KMT2C: variants seen among roughly 807,000 people sequenced by gnomAD.
KMT2C encodes lysine methyltransferase 2C.
A neutral mutation model predicts 507.9 loss-of-function variants in KMT2C; 88 were observed. The observed-to-expected ratio is 0.17, with a 90% CI of 0.15 to 0.21. The LOEUF is 0.21. Among genes scored for constraint, KMT2C ranks in the 10% least tolerant of loss-of-function variants. KMT2C has a pLI of 1.00. For synonymous variants in KMT2C, 2,049 were observed against 2,080.8 expected, an observed-to-expected ratio of 0.98 and a Z score of 0.42; for missense variants, 4,954 against 5,957.8, an observed-to-expected ratio of 0.83 and a Z score of 5.55.
intron 14 of KMT2C, among the ~76,000 whole-genome samples, chr7:152,244,821 T>C (rs1238785715): frequency 6.6e-6 from 1 of 152,208 alleles, no homozygotes; most frequent in Non-Finnish European, 1.5e-5. Flanking sequence ...AATCATACAT[T>C]TGAGATATAT....
chr7:152,309,305 AC>A (rs2096648480), intron 6 of KMT2C, among the ~76,000 whole-genome samples: 1 of 149,792 alleles, frequency 6.7e-6, no homozygotes, highest in East Asian at 1.9e-4. Context: ...AATGGCTTAC[AC>A]AAATTAATTT....
chr7:152,219,428 C>CA (rs2094695159), intron 23 of KMT2C, among the ~76,000 whole-genome samples: 1 of 151,980 alleles, frequency 6.6e-6, no homozygotes, highest in Non-Finnish European at 1.5e-5. Flanking sequence ...CAACATCTGA[C>CA]ATACAGTAGA....
At position 152,146,637 on chromosome 7, in the gene KMT2C, CA is replaced by C; in HGVS notation, c.13992del (p.Phe4664LeufsTer3). On this transcript the variant is annotated frameshift_variant, in exon 53 of 59. Coordinates refer to ENST00000262189, the MANE Select transcript of KMT2C (RefSeq NM_170606.3). LOFTEE classifies it high-confidence loss of function. ...FPAYLKGEDLFGLTVSAVARI... is the reference protein window; with the variant it reads ...FPAYLKGEDLXGLTVSAVARI... The stretch of plus-strand genomic sequence containing the variant: ...CGTGCCACTGCAGAGACGGTCAGGC[CA>C]AACAGATCCTCTCCTTTTAAATACG... The C allele has an allele frequency of 6.2e-7, 1 of 1,614,142 alleles. No individual in the cohort carries two copies. Among genetic ancestry groups the C allele is most frequent in the Non-Finnish European group, 8.5e-7 (1 of 1,180,004 alleles).
rs1017024625 is a variant in KMT2C, at chr7:152,417,806, T to C, written c.161+17820A>G. On this transcript the variant is annotated intron_variant, in intron 1 of 58. Transcript: ENST00000262189. The stretch of plus-strand genomic sequence containing the variant: ...AGAGGCGCCTGCCACCACACCCAGC[T>C]AATTTTTTGTATCTTTTAGTAGAGA... Among the ~76,000 whole-genome samples the C allele has an allele frequency of 7.2e-5, 11 of 151,944 alleles. No homozygotes were observed. The South Asian group carries it at 1.0e-3, about 14-fold the overall frequency.
At chr7:152,343,631 G>C (rs117902311) in intron 2 of KMT2C, among the ~76,000 whole-genome samples, 1 of 151,924 alleles carries the variant, frequency 6.6e-6, no homozygotes, top group Non-Finnish European at 1.5e-5. Flanking sequence ...ACTACACCTG[G>C]TCACATCATA....
intron 23 of KMT2C, among the ~76,000 whole-genome samples, chr7:152,210,766 A>ATAAGAT (rs1370288504): frequency 6.6e-6 from 1 of 152,200 alleles, no homozygotes; most frequent in East Asian, 1.9e-4. Context: ...GAGGGATAAT[A>ATAAGAT]TAAGATACCC....
intron 2 of KMT2C, among the ~76,000 whole-genome samples, chr7:152,341,142 A>T (rs2096987988): frequency 6.6e-6 from 1 of 152,204 alleles, no homozygotes; most frequent in South Asian, 2.1e-4. Flanking sequence ...AAAATGAACC[A>T]ATGAAACTGT....
rs2129121010 is a variant in KMT2C, at chr7:152,182,441, G to C, written c.5419C>G (p.Gln1807Glu). The C allele has an allele frequency of 1.9e-6, 3 of 1,614,120 alleles. No individual in the cohort carries two copies. The South Asian group carries it at 3.3e-5, about 18-fold the overall frequency. Residue 1807 changes from glutamine to glutamate, a missense_variant, in exon 36 of 59, where the codon CAG (glutamine) becomes GAG (glutamate). This residue lies in a region of KMT2C where 1,689 missense variants were observed against 1,654.3 expected (regional missense o/e 1.02). Coordinates refer to ENST00000262189, the MANE Select transcript of KMT2C (RefSeq NM_170606.3). ...SGSDTPSSGI[Q>E]SPLTPQPGNG... Reference sequence around the variant, plus strand: ...CCAGGCTGAGGTGTCAAGGGACTCTGTATCCCACTACTTGGTGTATCTGAA... The same window carrying C: ...CCAGGCTGAGGTGTCAAGGGACTCTCTATCCCACTACTTGGTGTATCTGAA...
rs1384999386 is a variant in KMT2C, at chr7:152,154,026, T to G, written c.12260A>C (p.His4087Pro). 1 of 1,613,862 alleles carries G rather than the reference T, an allele frequency of 6.2e-7. No homozygotes were observed. ...ATCTTTTACCTCAGCAGCTGTAGGA[T>G]GCAGAGTAATTGCTACAGATATAAG... ...SGLISVAITL[H>P]PTAAENISSV... Residue 4087 changes from histidine (H) to proline (P), a missense_variant, in exon 48 of 59, where the codon CAT becomes CCT. His to Pro is a moderately conservative substitution (Grantham distance 77). Around this residue, in one of 29 missense-constraint regions of KMT2C, gnomAD observed 417 missense variants for 461.1 expected, o/e 0.90. Coordinates refer to ENST00000262189, the MANE Select transcript of KMT2C (RefSeq NM_170606.3).
At chr7:152,353,129 G>A (rs1326559824) in intron 2 of KMT2C, among the ~76,000 whole-genome samples, 1 of 152,138 alleles carries the variant, frequency 6.6e-6, no homozygotes. Flanking sequence ...ACCAACAAAA[G>A]ATCAAATTTT....
rs187369895 is a variant in KMT2C at position 152,212,158 on chromosome 7, T to G, written c.3713-4730A>C. Among the ~76,000 whole-genome samples, 464 of 152,294 alleles carry G rather than the reference T, an allele frequency of 3.0e-3. 2 individuals are homozygous for G. The highest frequency in any genetic ancestry group is 0.011 in the African/African-American group (445 of 41,578). On this transcript the variant is annotated intron_variant, in intron 23 of 58. Coordinates refer to ENST00000262189, the MANE Select transcript of KMT2C (RefSeq NM_170606.3). ...CAAATATGAGAAATTCTCCCATATA[T>G]ACATACTTGTATCTAGATGACTAAT...
At chr7:152,392,297 ATACTAC>A (rs901280603) in intron 1 of KMT2C, among the ~76,000 whole-genome samples, 1 of 152,212 alleles carries the variant, frequency 6.6e-6, no homozygotes, top group Non-Finnish European at 1.5e-5. Context: ...CCAAACTCAC[ATACTAC>A]TACTTCTTTA....
intron 23 of KMT2C, among the ~76,000 whole-genome samples, chr7:152,214,975 A>T (rs1489723501): frequency 1.3e-5 from 2 of 152,184 alleles, no homozygotes; most frequent in Admixed American, 6.5e-5. Flanking sequence ...GAGAGTAACT[A>T]TGGAAGGTGA....
Position 152,218,801 on chromosome 7 carries a change from C to A in KMT2C, c.3712+1722G>T, listed in dbSNP as rs539586028. The stretch of plus-strand genomic sequence containing the variant: ...GTTGGTCTCCACAACACTCTTTCTT[C>A]AAACATGCTCAGCACACTCTCACCC... On this transcript the variant is annotated intron_variant, in intron 23 of 58. Coordinates refer to ENST00000262189, the MANE Select transcript of KMT2C (RefSeq NM_170606.3). Among the ~76,000 whole-genome samples the A allele has an allele frequency of 4.5e-4, 68 of 152,300 alleles. No individual in the cohort carries two copies. In the Middle Eastern group the frequency reaches 0.01, roughly 23 times the overall value.
chr7:152,270,312 A>C (rs975717051), intron 7 of KMT2C, among the ~76,000 whole-genome samples: 1 of 152,254 alleles, frequency 6.6e-6, no homozygotes, highest in African/African-American at 2.4e-5. Flanking sequence ...AGATAACCAA[A>C]GAAAAGAGGC....
At position 152,400,080 on chromosome 7, in the gene KMT2C, G is replaced by T. The variant is rs1165629743; in HGVS notation, c.161+35546C>A. ...TCCCAGCACTTTGGGAGGCCGAGAT[G>T]GGCGGATCACGAGGTCAGGAGATCA... On this transcript the variant is annotated intron_variant, in intron 1 of 58. Coordinates refer to ENST00000262189, the MANE Select transcript of KMT2C (RefSeq NM_170606.3). Among the ~76,000 whole-genome samples, 3 of 151,872 alleles carry T rather than the reference G, an allele frequency of 2.0e-5. No individual in the cohort carries two copies. In the East Asian group the frequency reaches 5.8e-4, roughly 29 times the overall value.
Position 152,292,232 on chromosome 7 carries a change from A to G in KMT2C, c.849+17734T>C, listed in dbSNP as rs1382088881. 2.6e-5 allele frequency among the ~76,000 whole-genome samples: 4 copies of G among 152,202 alleles called. No homozygotes were observed. The South Asian group carries it at 6.2e-4, about 24-fold the overall frequency. On this transcript the variant is annotated intron_variant, in intron 6 of 58. Coordinates refer to ENST00000262189, the MANE Select transcript of KMT2C (RefSeq NM_170606.3). ...ACTATACCTCTAAAGTGTTACATAT[A>G]AAGTCCACTTTTCTCCTTTTCTTGT...
chr7:152,312,117 A>G (rs955870631), intron 4 of KMT2C, 171 bp from the exon 5 acceptor site: 1 of 439,120 alleles, frequency 2.3e-6, no homozygotes, highest in African/African-American at 2.0e-5. Context: ...ATAATATTAA[A>G]CTGGGTTGCC....
At position 152,163,330 on chromosome 7, in the gene KMT2C, A is replaced by G. The variant is rs1459837621; in HGVS notation, c.10247T>C (p.Met3416Thr). ...AGCTCTTTGTCTATCTACCTCCTGCATGAGTTGGATCCGTTGTCTCTCTTG... is the reference window on the plus strand; with the variant it reads ...AGCTCTTTGTCTATCTACCTCCTGCGTGAGTTGGATCCGTTGTCTCTCTTG... ...EQQERQRIQL[M>T]QEVDRQRALQ... Residue 3416 changes from methionine to threonine, a missense_variant, in exon 43 of 59, where the codon ATG (methionine) becomes ACG (threonine). Transcript: ENST00000262189. 1.9e-6 allele frequency: 3 copies of G among 1,614,142 alleles called. No homozygotes were observed. Among genetic ancestry groups the G allele is most frequent in the East Asian group, 2.2e-5 (1 of 44,882 alleles).
Sources: allele counts gnomAD v4.1 joint callset (sites outside exome capture counted in the v4.1 genomes callset), GRCh38; gene constraint gnomAD v4.1.1; regional missense constraint gnomAD v4.1.1; transcripts MANE v1.5; gene names NCBI Gene and HGNC (gene_info 2026-07-23, HGNC 2026-07-21).